BMP5: variants seen among roughly 807,000 people sequenced by gnomAD.
BMP5 encodes bone morphogenetic protein 5.
A neutral mutation model predicts 46.6 loss-of-function variants in BMP5; 23 were observed. The observed-to-expected ratio is 0.49, with a 90% CI of 0.35 to 0.70. BMP5 has a LOEUF of 0.70. BMP5 is among the 30% of genes least tolerant of loss of function. The probability of loss-of-function intolerance (pLI) is 0.00; values close to 1 mark genes in which losing one functional copy is unlikely to be tolerated. For synonymous variants in BMP5, 204 were observed against 191.9 expected (o/e 1.06, Z -0.52); for missense variants, 545 against 565.6 (o/e 0.96, Z 0.37).
At chr6:55,772,710 G>T in intron 4 of BMP5, 1 of 970,512 alleles carries the variant, frequency 1.0e-6, no homozygotes, top group Non-Finnish European at 1.2e-6. Flanking sequence ...ACTAAAAGTG[G>T]TTAAATTTCT....
intron 1 of BMP5, among the ~76,000 whole-genome samples, chr6:55,866,748 T>G (rs891166363): frequency 6.6e-5 from 10 of 152,170 alleles, no homozygotes; most frequent in Non-Finnish European, 1.3e-4. Flanking sequence ...TAATTTCAAT[T>G]TTCTCTAAAA....
chr6:55,770,193 G>T (rs747668640), intron 4 of BMP5, among the ~76,000 whole-genome samples: 1 of 151,852 alleles, frequency 6.6e-6, no homozygotes, highest in Admixed American at 6.6e-5. Context: ...TTCCAATAAG[G>T]CTTCTTAATC....
intron 6 of BMP5, among the ~76,000 whole-genome samples, chr6:55,756,378 A>G (rs940563585): frequency 1.1e-4 from 16 of 151,874 alleles, no homozygotes; most frequent in Non-Finnish European, 1.9e-4. Context: ...AGACTTTACA[A>G]ATGAACATCC....
At chr6:55,830,654 T>C (rs1238501654) in intron 1 of BMP5, among the ~76,000 whole-genome samples, 1 of 152,102 alleles carries the variant, frequency 6.6e-6, no homozygotes, top group Non-Finnish European at 1.5e-5. Flanking sequence ...CTGATGCTTT[T>C]GCTGTTAAGT....
At chr6:55,787,792 G>T (rs1190785029) in intron 3 of BMP5, among the ~76,000 whole-genome samples, 1 of 151,558 alleles carries the variant, frequency 6.6e-6, no homozygotes, top group Non-Finnish European at 1.5e-5. Context: ...TTTGAAGTTT[G>T]CAGAATAATA....
At position 55,823,691 on chromosome 6, in the gene BMP5, T is replaced by G. The variant is rs16887204; in HGVS notation, c.491-3844A>C. ...TAATTATTTCTTGGGAAAGTTGACC[T>G]TGTTTCAGTGCTTTCGTTATCCTCT... On this transcript the variant is annotated intron_variant, in intron 1 of 6. Transcript: ENST00000370830. 8.7e-4 allele frequency among the ~76,000 whole-genome samples: 132 copies of G among 152,086 alleles called. 4 individuals carry two copies. In the East Asian group the frequency reaches 0.021, roughly 25 times the overall value.
chr6:55,861,505 A>G (rs563792791), intron 1 of BMP5, among the ~76,000 whole-genome samples: 7 of 152,260 alleles, frequency 4.6e-5, no homozygotes, highest in Admixed American at 6.5e-5. Context: ...TCAATAACAC[A>G]GATCAATCTT....
chr6:55,859,093 G>A (rs560847304), intron 1 of BMP5, among the ~76,000 whole-genome samples: 13 of 152,140 alleles, frequency 8.5e-5, no homozygotes, highest in South Asian at 8.3e-4. Context: ...AAACCTGCAC[G>A]TTCTGCACAT....
intron 4 of BMP5, among the ~76,000 whole-genome samples, chr6:55,763,754 T>A (rs899980151): frequency 7.2e-5 from 11 of 152,182 alleles, no homozygotes; most frequent in Admixed American, 1.3e-4. Flanking sequence ...GTGTTATCAA[T>A]AATATTTCTC....
chr6:55,788,163 T>C (rs1241081306), intron 3 of BMP5, among the ~76,000 whole-genome samples: 2 of 151,658 alleles, frequency 1.3e-5, no homozygotes, highest in African/African-American at 2.4e-5. Flanking sequence ...AAACAGGAGT[T>C]TTTATGCTAA....
At chr6:55,762,689 A>T (rs1421494333) in intron 4 of BMP5, among the ~76,000 whole-genome samples, 1 of 152,170 alleles carries the variant, frequency 6.6e-6, no homozygotes, top group Non-Finnish European at 1.5e-5. Context: ...GAAATAATTG[A>T]TTCTACTATT....
chr6:55,842,059 CTT>C (rs1562065602), intron 1 of BMP5, among the ~76,000 whole-genome samples: 1 of 152,138 alleles, frequency 6.6e-6, no homozygotes, highest in Non-Finnish European at 1.5e-5. Flanking sequence ...CTTTACAACA[CTT>C]TTTTAAAAAA....
chr6:55,811,940 C>T (rs971845456), intron 2 of BMP5, among the ~76,000 whole-genome samples: 1 of 152,172 alleles, frequency 6.6e-6, no homozygotes, highest in African/African-American at 2.4e-5. Context: ...TGTGTGGCAG[C>T]CCCACCACAG....
intron 1 of BMP5, among the ~76,000 whole-genome samples, chr6:55,824,033 A>G (rs1438291543): frequency 6.6e-6 from 1 of 151,928 alleles, no homozygotes; most frequent in Non-Finnish European, 1.5e-5. Flanking sequence ...GAATTCCTTC[A>G]TACCCAACCT....
chr6:55,829,608 G>A (rs1776616178), intron 1 of BMP5, among the ~76,000 whole-genome samples: 1 of 151,294 alleles, frequency 6.6e-6, no homozygotes, highest in Admixed American at 6.6e-5. Context: ...ACCTGTGTTG[G>A]TACTTAAAAA....
intron 1 of BMP5, 116 bp downstream of exon 1, chr6:55,874,260 A>G: frequency 1.5e-6 from 2 of 1,316,040 alleles, no homozygotes; most frequent in Non-Finnish European, 2.1e-6. Context: ...GCTAAACAGG[A>G]GAGTTAGAGA....
intron 4 of BMP5, among the ~76,000 whole-genome samples, chr6:55,766,628 TG>T (rs1482498111): frequency 6.6e-6 from 1 of 152,184 alleles, no homozygotes; most frequent in East Asian, 1.9e-4. Flanking sequence ...CTGCACTCCA[TG>T]GCCAAAATTA....
chr6:55,838,700 A>G (rs979428217), intron 1 of BMP5, among the ~76,000 whole-genome samples: 7 of 152,118 alleles, frequency 4.6e-5, no homozygotes, highest in Admixed American at 2.6e-4. Context: ...TCTCCAGGTT[A>G]TTTATATCAT....
At chr6:55,866,926 A>C (rs1777653318) in intron 1 of BMP5, among the ~76,000 whole-genome samples, 1 of 152,214 alleles carries the variant, frequency 6.6e-6, no homozygotes, top group Non-Finnish European at 1.5e-5. Flanking sequence ...TTAACTAAAT[A>C]ATACAAAGAT....
Sources: allele counts gnomAD v4.1 joint callset (sites outside exome capture counted in the v4.1 genomes callset), GRCh38; gene constraint gnomAD v4.1.1; transcripts MANE v1.5; gene names NCBI Gene and HGNC (gene_info 2026-07-23, HGNC 2026-07-21).